Variants in OIP5 observed in about 807,000 individuals in gnomAD.
OIP5 encodes the protein Opa interacting protein 5.
In OIP5, 24 loss-of-function variants were observed where a neutral mutation model predicts 20.3. That is an observed-to-expected ratio of 1.18 (90% CI 0.86 to 1.66). OIP5 has a LOEUF of 1.66. Among genes scored for constraint, OIP5 ranks in the 40% most tolerant of loss-of-function variants. OIP5 has a pLI of 0.00. For missense variants in OIP5, 339 were observed against 289.5 expected (o/e 1.17, Z -1.24); for synonymous variants, 143 against 121.3 (o/e 1.18, Z -1.17).
At chr15:41,326,292 G>A (rs148117773) in intron 2 of OIP5, among the ~76,000 whole-genome samples, 30 of 152,294 alleles carry the variant, frequency 2.0e-4, no homozygotes, top group African/African-American at 7.0e-4. Context: ...TGATATAGCG[G>A]TGCCTCAGTG....
chr15:41,322,650 C>T (rs1004389746), intron 2 of OIP5, among the ~76,000 whole-genome samples: 1 of 152,096 alleles, frequency 6.6e-6, no homozygotes, highest in Non-Finnish European at 1.5e-5. Context: ...AATCACATAG[C>T]TAGCCCGGGC....
intron 3 of OIP5, among the ~76,000 whole-genome samples, chr15:41,315,052 C>T (rs550962715): frequency 1.5e-4 from 21 of 142,138 alleles, no homozygotes; most frequent in African/African-American, 5.6e-4. Flanking sequence ...GTTGAGGCTG[C>T]AGTGAACCAT....
chr15:41,330,496 C>T (rs1245207916), intron 2 of OIP5, among the ~76,000 whole-genome samples: 1 of 151,590 alleles, frequency 6.6e-6, no homozygotes, highest in African/African-American at 2.4e-5. Flanking sequence ...CTCCGCCTCC[C>T]GGGTTCACGC....
chr15:41,309,418 G>C lies in OIP5; in HGVS notation c.*336C>G, dbSNP rs2047740187. ...AACATTAAGCCCAACTCTATTTTCA[G>C]ACCAACCATGCAACTTTAGATCAGA... On this transcript the variant is annotated 3_prime_UTR_variant, in exon 5 of 5. Transcript: ENST00000220514. 5.4e-6 allele frequency: 1 copy of C among 185,010 alleles called. No individual in the cohort carries two copies. 11.5% of individuals were successfully genotyped at this position (185,010 alleles called of 1,614,324 possible). A position where few individuals can be genotyped will look rare whatever the true frequency, so the allele number is the denominator to read the frequency against.
chr15:41,331,764 C>T, intron 2 of OIP5, 151 bp downstream of exon 2: 1 of 700,338 alleles, frequency 1.4e-6, no homozygotes, highest in South Asian at 1.6e-5. Context: ...ACAAATACAA[C>T]TTTTTCATTT....
rs907153998 is a variant in OIP5, at chr15:41,312,627, A to ATT, written c.594+644_594+645dup. Reference sequence around the variant, plus strand: ...GGCGCCCACCACCATGACCGGCTAAATTTTTTTTTTTTTTTTTTTTGAGAC... The same window carrying ATT: ...GGCGCCCACCACCATGACCGGCTAAATTTTTTTTTTTTTTTTTTTTTTGAGAC... On this transcript the variant is annotated intron_variant, in intron 4 of 4. Transcript: ENST00000220514. Among the ~76,000 whole-genome samples the ATT allele has an allele frequency of 4.1e-4, 52 of 127,004 alleles. No homozygotes were observed. In the East Asian group the frequency reaches 6.6e-3, roughly 16 times the overall value. The allele number at this position is 127,004 out of a possible 152,430, so 83.3% of individuals were successfully genotyped here.
intron 2 of OIP5, among the ~76,000 whole-genome samples, chr15:41,330,533 A>G (rs1261169372): frequency 6.6e-6 from 1 of 150,542 alleles, no homozygotes. Context: ...TCTCCTGAGT[A>G]GCTGGGACTA....
intron 2 of OIP5, among the ~76,000 whole-genome samples, chr15:41,331,620 T>A (rs954397474): frequency 6.6e-6 from 1 of 152,170 alleles, no homozygotes; most frequent in African/African-American, 2.4e-5. Context: ...TAGTTTATAG[T>A]ATGTTATTCT....
At chr15:41,321,831 T>A (rs1404990379) in intron 2 of OIP5, among the ~76,000 whole-genome samples, 1 of 150,542 alleles carries the variant, frequency 6.6e-6, no homozygotes, top group Non-Finnish European at 1.5e-5. Context: ...GAGACCTTTG[T>A]TCACTTGTTT....
At chr15:41,314,008 C>A (rs2047774779) in intron 3 of OIP5, among the ~76,000 whole-genome samples, 1 of 152,092 alleles carries the variant, frequency 6.6e-6, no homozygotes, top group Non-Finnish European at 1.5e-5. Context: ...TGATTATAAG[C>A]TTTACACTTC....
At chr15:41,327,338 C>T (rs968250272) in intron 2 of OIP5, among the ~76,000 whole-genome samples, 4 of 151,944 alleles carry the variant, frequency 2.6e-5, no homozygotes, top group African/African-American at 4.8e-5. Context: ...CCCACCACCA[C>T]GCCCAGCAAA....
At chr15:41,324,747 C>T (rs1174582973) in intron 2 of OIP5, among the ~76,000 whole-genome samples, 1 of 152,154 alleles carries the variant, frequency 6.6e-6, no homozygotes, top group Non-Finnish European at 1.5e-5. Context: ...CCTCAGTCTC[C>T]CAAAAGTGCT....
Position 41,327,391 on chromosome 15 carries a change from C to T in OIP5, c.389+4524G>A, listed in dbSNP as rs8033864. ...ATGGGGTTTCGCTATGTCATCCAGGCTGGTGTTGAACTCCTGACCTCGTGA... is the reference window on the plus strand; with the variant it reads ...ATGGGGTTTCGCTATGTCATCCAGGTTGGTGTTGAACTCCTGACCTCGTGA... On this transcript the variant is annotated intron_variant, in intron 2 of 4. Coordinates refer to ENST00000220514, the MANE Select transcript of OIP5 (RefSeq NM_007280.2). Among the ~76,000 whole-genome samples, 38 of 152,070 alleles carry T rather than the reference C, an allele frequency of 2.5e-4. 1 individual carries two copies. The South Asian group carries it at 4.8e-3, about 19-fold the overall frequency.
intron 2 of OIP5, among the ~76,000 whole-genome samples, chr15:41,323,393 ACTAT>A (rs1254355905): frequency 6.6e-6 from 1 of 152,170 alleles, no homozygotes; most frequent in Non-Finnish European, 1.5e-5. Context: ...CAGAGGAATA[ACTAT>A]CTATAGTAGC....
In OIP5 at chr15:41,332,259, G is replaced by A; in HGVS notation, c.303C>T (p.Leu101=). The A allele has an allele frequency of 6.4e-7, 1 of 1,550,426 alleles. No homozygotes were observed. Among genetic ancestry groups the A allele is most frequent in the Non-Finnish European group, 8.7e-7 (1 of 1,149,798 alleles). The change falls in exon 1 of 5, where the codon CTC becomes CTT. Residue 101 remains leucine, a synonymous_variant. Transcript: ENST00000220514. The part of the protein sequence containing the change: ...VHLAWDLSRS[L]GAVVFSRVTN... ...ACTCACTGGAGAAGACCACGGCCCCGAGGGACCGCGACAGGTCCCAGGCGA... is the reference window on the plus strand; with the variant it reads ...ACTCACTGGAGAAGACCACGGCCCCAAGGGACCGCGACAGGTCCCAGGCGA...
At chr15:41,332,081 C>T in intron 1 of OIP5, 100 bp from the exon 2 acceptor site, 1 of 1,356,458 alleles carries the variant, frequency 7.4e-7, no homozygotes, top group Non-Finnish European at 1.1e-6. Context: ...TATCAGGAGA[C>T]TCCCCGATTC....
At chr15:41,326,404 A>T (rs967320442) in intron 2 of OIP5, among the ~76,000 whole-genome samples, 1 of 152,120 alleles carries the variant, frequency 6.6e-6, no homozygotes, top group Admixed American at 6.6e-5. Context: ...TCATGTGTAT[A>T]GTCTGTGGCT....
At chr15:41,329,933 G>A (rs1172810445) in intron 2 of OIP5, among the ~76,000 whole-genome samples, 2 of 151,836 alleles carry the variant, frequency 1.3e-5, no homozygotes, top group African/African-American at 2.4e-5. Context: ...TCCTGACCTC[G>A]TGATCCATCC....
At chr15:41,320,935 G>T (rs1028590802) in intron 2 of OIP5, among the ~76,000 whole-genome samples, 1 of 146,888 alleles carries the variant, frequency 6.8e-6, no homozygotes, top group African/African-American at 2.6e-5. Context: ...CTGCCCTGCC[G>T]CCCCGTCTGG....
Sources: allele counts gnomAD v4.1 joint callset (sites outside exome capture counted in the v4.1 genomes callset), GRCh38; gene constraint gnomAD v4.1.1; transcripts MANE v1.5; gene names NCBI Gene and HGNC (gene_info 2026-07-23, HGNC 2026-07-21).